The following INKA1 variants were observed in gnomAD, a reference collection of about 807,000 sequenced individuals.
The protein encoded by INKA1 is PAK4-inhibitor INKA1.
A neutral mutation model predicts 21.3 loss-of-function variants in INKA1; 14 were observed. That is an observed-to-expected ratio of 0.66 (90% CI 0.43 to 1.03). The LOEUF (loss-of-function observed/expected upper bound fraction) is 1.03, where lower values mean the gene tolerates loss of function less well. Ranked by LOEUF, INKA1 falls within the 50% of genes least tolerant of loss-of-function variation. The pLI is 0.00. For missense variants in INKA1, 353 were observed against 379.0 expected (o/e 0.93, Z 0.57); for synonymous variants, 133 against 143.3 (o/e 0.93, Z 0.51).
Position 49,804,874 on chromosome 3 carries a change from T to C in INKA1, c.745T>C (p.Ser249Pro), listed in dbSNP as rs1173485674. 6.2e-7 allele frequency: 1 copy of C among 1,612,722 alleles called. No individual in the cohort carries two copies. The highest frequency in any genetic ancestry group is 1.1e-5 in the South Asian group (1 of 91,058). The change falls in exon 2 of 2, where the codon TCA becomes CCA. Residue 249 changes from serine to proline, a missense_variant. Transcript: ENST00000333323. This position sits in a 1 kb window ranked among gnomAD's most constrained non-coding sequence, Gnocchi z 6.7. ...RRTAMAGKRL[S>P]CPPRPEPELP... ...GACAGCTATGGCAGGAAAGCGGCTG[T>C]CATGCCCACCTCGCCCAGAACCTGA...
Position 49,803,329 on chromosome 3 carries a change from T to G in INKA1, c.-64T>G, listed in dbSNP as rs887487077. ...CCGCTGGCCGGCCCTCCCAGCCCTC[T>G]CCGCGCGGCTCCGCCGGGGTTCCAA... On this transcript the variant is annotated 5_prime_UTR_variant, in exon 1 of 2. Transcript: ENST00000333323. The surrounding 1 kb of genome is among the most constrained non-coding windows in gnomAD (Gnocchi z 4.8). The G allele has an allele frequency of 6.9e-7, 1 of 1,454,422 alleles. No homozygotes were observed. Among genetic ancestry groups the G allele is most frequent in the Non-Finnish European group, 9.1e-7 (1 of 1,103,480 alleles). The allele number at this position is 1,454,422 out of a possible 1,614,324, so 90.1% of individuals were successfully genotyped here. A position where few individuals can be genotyped will look rare whatever the true frequency, so the allele number is the denominator to read the frequency against.
chr3:49,804,336 G>C lies in INKA1; in HGVS notation c.207G>C (p.Glu69Asp). ...GTGTGGAGGAGGAGGAAGAGGAGGA[G>C]GAGGAAGCAGTGGTGACAGAAGACA... The part of the protein sequence containing the change: ...VCCVEEEEEE[E>D]EEAVVTEDRD... Residue 69 changes from glutamate (E) to aspartate (D), a missense_variant, in exon 2 of 2, where the codon GAG becomes GAC. Glu to Asp is a conservative substitution (Grantham distance 45, BLOSUM62 2). Coordinates refer to ENST00000333323, the MANE Select transcript of INKA1 (RefSeq NM_203370.2). This position sits in a 1 kb window ranked among gnomAD's most constrained non-coding sequence, Gnocchi z 6.7. 1 of 1,613,550 alleles carries C rather than the reference G, an allele frequency of 6.2e-7. No homozygotes were observed. Among genetic ancestry groups the C allele is most frequent in the Non-Finnish European group, 8.5e-7 (1 of 1,179,970 alleles).
chr3:49,804,496 C>G lies in INKA1; in HGVS notation c.367C>G (p.Arg123Gly), dbSNP rs372678922. 1 of 1,613,438 alleles carries G rather than the reference C, an allele frequency of 6.2e-7. No individual in the cohort carries two copies. The highest frequency in any genetic ancestry group is 1.3e-5 in the African/African-American group (1 of 74,922). Residue 123 changes from arginine (R) to glycine (G), a missense_variant, in exon 2 of 2, where the codon CGT becomes GGT. Physicochemically the swap from Arg to Gly is moderately radical, Grantham distance 125. Transcript: ENST00000333323. This position sits in a 1 kb window ranked among gnomAD's most constrained non-coding sequence, Gnocchi z 6.7. ...CCCAGCACCCTCAGCACAGCCCCTTCGTAGGCAGTGCCTCTCAGTCAGTGG... is the reference window on the plus strand; with the variant it reads ...CCCAGCACCCTCAGCACAGCCCCTTGGTAGGCAGTGCCTCTCAGTCAGTGG... The part of the protein sequence containing the change: ...QRPAPSAQPL[R>G]RQCLSVSGLP...
In INKA1 at chr3:49,803,677, G is replaced by A. The variant is rs968233128; in HGVS notation, c.51+234G>A. ...GCCGTGCTGCTGGAACGGCGCGGGA[G>A]GAGAGAGTGGAAGGGGGACTTCTTT... On this transcript the variant is annotated intron_variant, in intron 1 of 1. Coordinates refer to ENST00000333323, the MANE Select transcript of INKA1 (RefSeq NM_203370.2). This position sits in a 1 kb window ranked among gnomAD's most constrained non-coding sequence, Gnocchi z 4.8. 4.6e-5 allele frequency among the ~76,000 whole-genome samples: 7 copies of A among 152,060 alleles called. No individual in the cohort carries two copies. The highest frequency in any genetic ancestry group is 4.6e-4 in the Admixed American group (7 of 15,300).
Position 49,803,415 on chromosome 3 carries a change from G to C in INKA1, c.23G>C (p.Ser8Thr). Residue 8 changes from serine to threonine, a missense_variant, in exon 1 of 2, where the codon AGC (serine) becomes ACC (threonine). Ser to Thr is a moderately conservative substitution (Grantham distance 58). Coordinates refer to ENST00000333323, the MANE Select transcript of INKA1 (RefSeq NM_203370.2). The surrounding 1 kb of genome is among the most constrained non-coding windows in gnomAD (Gnocchi z 4.8). MHSARLD[S>T]FLSQLRWELL... ...GACATGCACAGCGCTCGGCTTGACA[G>C]CTTCCTTAGCCAGCTCCGCTGGGAA... The C allele has an allele frequency of 1.9e-6, 3 of 1,554,558 alleles. No individual in the cohort carries two copies. Among genetic ancestry groups the C allele is most frequent in the Non-Finnish European group, 2.6e-6 (3 of 1,153,418 alleles).
rs139173242 is a variant in INKA1, at chr3:49,804,443, G to T, written c.314G>T (p.Arg105Leu). The T allele has an allele frequency of 3.0e-4, 480 of 1,613,458 alleles. No individual in the cohort carries two copies. Among genetic ancestry groups the T allele is most frequent in the Non-Finnish European group, 3.9e-4 (464 of 1,180,010 alleles). Residue 105 changes from arginine (R) to leucine (L), a missense_variant, in exon 2 of 2, where the codon CGA (arginine) becomes CTA (leucine). By Grantham distance (102) the Arg-to-Leu change is moderately radical (BLOSUM62 -2). Transcript: ENST00000333323. This position sits in a 1 kb window ranked among gnomAD's most constrained non-coding sequence, Gnocchi z 6.7. ...TCGGAGGTGTCAGGCAGCACATGGCGAGAGGAAGAACTGCCTGTATCCCAG... is the reference window on the plus strand; with the variant it reads ...TCGGAGGTGTCAGGCAGCACATGGCTAGAGGAAGAACTGCCTGTATCCCAG... ...GFSEVSGSTW[R>L]EEELPVSQRP...
rs368521855 is a variant in INKA1 at position 49,804,781 on chromosome 3, G to A, written c.652G>A (p.Ala218Thr). Residue 218 changes from alanine to threonine, a missense_variant, in exon 2 of 2, where the codon GCT becomes ACT. By Grantham distance (58) the Ala-to-Thr change is moderately conservative (BLOSUM62 0). Coordinates refer to ENST00000333323, the MANE Select transcript of INKA1 (RefSeq NM_203370.2). This position sits in a 1 kb window ranked among gnomAD's most constrained non-coding sequence, Gnocchi z 6.7. ...GGDGGGHRAR[A>T]RPPQFLLGLS... ...TGACGGAGGTGGGCACCGTGCCCGT[G>A]CTCGGCCCCCTCAGTTCCTGCTTGG... is the stretch of plus-strand genomic sequence containing the variant. The A allele has an allele frequency of 6.8e-6, 11 of 1,613,186 alleles. No homozygotes were observed. The highest frequency in any genetic ancestry group is 1.6e-4 in the Middle Eastern group (1 of 6,084).
rs1480462248 is a variant in INKA1, at chr3:49,803,537, A to T, written c.51+94A>T. ...CAACAGACGGGTGCGGGGTGGCTCC[A>T]GCGTGCCGGTCCGAGGCGGGGTGGG... On this transcript the variant is annotated intron_variant, in intron 1 of 1. Transcript: ENST00000333323. The surrounding 1 kb of genome is among the most constrained non-coding windows in gnomAD (Gnocchi z 4.8). 1 of 1,314,846 alleles carries T rather than the reference A, an allele frequency of 7.6e-7. No individual in the cohort carries two copies. The allele number at this position is 1,314,846 out of a possible 1,614,324, so 81.4% of individuals were successfully genotyped here.
rs138461983 is a variant in INKA1 at position 49,804,631 on chromosome 3, G to A, written c.502G>A (p.Glu168Lys). The change falls in exon 2 of 2, where the codon GAG (glutamate) becomes AAG (lysine). Residue 168 changes from glutamate to lysine, a missense_variant. Coordinates refer to ENST00000333323, the MANE Select transcript of INKA1 (RefSeq NM_203370.2). This position sits in a 1 kb window ranked among gnomAD's most constrained non-coding sequence, Gnocchi z 6.7. The stretch of plus-strand genomic sequence containing the variant: ...GGAGCACTGGCAGGGACTGGAAGCA[G>A]AGGACTGGACAGCAGCCCTACTGAA... ...CLEHWQGLEA[E>K]DWTAALLNRG... 649 of 1,613,234 alleles carry A rather than the reference G, an allele frequency of 4.0e-4. 5 individuals carry two copies. Among genetic ancestry groups the A allele is most frequent in the South Asian group, 4.0e-3 (366 of 91,092 alleles).
In INKA1 at chr3:49,804,358, G is replaced by A. The variant is rs1395499172; in HGVS notation, c.229G>A (p.Asp77Asn). 1 of 1,613,428 alleles carries A rather than the reference G, an allele frequency of 6.2e-7. No homozygotes were observed. The highest frequency in any genetic ancestry group is 8.5e-7 in the Non-Finnish European group (1 of 1,179,968). ...GGAGGAGGAAGCAGTGGTGACAGAA[G>A]ACAGGGATGCAGCCTTGGGAGGCCC... ...EEEEEAVVTE[D>N]RDAALGGPRE... Residue 77 changes from aspartate to asparagine, a missense_variant, in exon 2 of 2, where the codon GAC becomes AAC. By Grantham distance (23) the Asp-to-Asn change is conservative. Transcript: ENST00000333323. This position sits in a 1 kb window ranked among gnomAD's most constrained non-coding sequence, Gnocchi z 6.7.
At position 49,804,479 on chromosome 3, in the gene INKA1, C is replaced by T; in HGVS notation, c.350C>T (p.Pro117Leu). The change falls in exon 2 of 2, where the codon CCC (proline) becomes CTC (leucine). Residue 117 changes from proline (P) to leucine (L), a missense_variant. Physicochemically the swap from Pro to Leu is moderately conservative, Grantham distance 98. Transcript: ENST00000333323. The surrounding 1 kb of genome is among the most constrained non-coding windows in gnomAD (Gnocchi z 6.7). Reference sequence around the variant, plus strand: ...CTGCCTGTATCCCAGCGCCCAGCACCCTCAGCACAGCCCCTTCGTAGGCAG... The same window carrying T: ...CTGCCTGTATCCCAGCGCCCAGCACTCTCAGCACAGCCCCTTCGTAGGCAG... Reference protein sequence around the residue: ...EELPVSQRPAPSAQPLRRQCL... With the variant: ...EELPVSQRPALSAQPLRRQCL... 1 of 1,613,568 alleles carries T rather than the reference C, an allele frequency of 6.2e-7. No homozygotes were observed. The highest frequency in any genetic ancestry group is 8.5e-7 in the Non-Finnish European group (1 of 1,179,994).
Position 49,804,014 on chromosome 3 carries a change from A to G in INKA1, c.52-167A>G, listed in dbSNP as rs2081405709. 6.6e-6 allele frequency among the ~76,000 whole-genome samples: 1 copy of G among 152,152 alleles called. No individual in the cohort carries two copies. Among genetic ancestry groups the G allele is most frequent in the South Asian group, 2.1e-4 (1 of 4,830 alleles). ...CAGACTGCCACCAGGTCGGTGGATG[A>G]GAACCACACCAGCTTCGAGTGCCAG... On this transcript the variant is annotated intron_variant, in intron 1 of 1. Transcript: ENST00000333323. This position sits in a 1 kb window ranked among gnomAD's most constrained non-coding sequence, Gnocchi z 6.7.
In INKA1 at chr3:49,804,314, TGGA is replaced by T. The variant is rs771241593; in HGVS notation, c.195_197del (p.Glu71del). 2 of 1,613,108 alleles carry T rather than the reference TGGA, an allele frequency of 1.2e-6. No individual in the cohort carries two copies. Among genetic ancestry groups the T allele is most frequent in the African/African-American group, 1.3e-5 (1 of 74,816 alleles). ...TTGGAAGAGGACTCAGTCTGCTGTG[TGGA>T]GGAGGAGGAAGAGGAGGAGGAGGAA... On this transcript the variant is annotated inframe_deletion, in exon 2 of 2. Coordinates refer to ENST00000333323, the MANE Select transcript of INKA1 (RefSeq NM_203370.2). The surrounding 1 kb of genome is among the most constrained non-coding windows in gnomAD (Gnocchi z 6.7).
At position 49,804,510 on chromosome 3, in the gene INKA1, C is replaced by T. The variant is rs1472333873; in HGVS notation, c.381C>T (p.Leu127=). Residue 127 remains leucine, a synonymous_variant, in exon 2 of 2, where the codon CTC becomes CTT. Transcript: ENST00000333323. The surrounding 1 kb of genome is among the most constrained non-coding windows in gnomAD (Gnocchi z 6.7). ...PSAQPLRRQC[L]SVSGLPMPSR... is the part of the protein sequence containing the mutation. ...CACAGCCCCTTCGTAGGCAGTGCCT[C>T]TCAGTCAGTGGCCTCCCCATGCCCA... is the stretch of plus-strand genomic sequence containing the variant. 3 of 1,613,484 alleles carry T rather than the reference C, an allele frequency of 1.9e-6. No homozygotes were observed. Among genetic ancestry groups the T allele is most frequent in the African/African-American group, 1.3e-5 (1 of 75,062 alleles).
In INKA1 at chr3:49,804,871, C is replaced by T; in HGVS notation, c.742C>T (p.Leu248=). ...ARRTAMAGKR[L]SCPPRPEPEL... is the part of the protein sequence containing the mutation. Reference sequence around the variant, plus strand: ...GCGGACAGCTATGGCAGGAAAGCGGCTGTCATGCCCACCTCGCCCAGAACC... The same window carrying T: ...GCGGACAGCTATGGCAGGAAAGCGGTTGTCATGCCCACCTCGCCCAGAACC... Residue 248 remains leucine (L), a synonymous_variant, in exon 2 of 2, where the codon CTG becomes TTG. Coordinates refer to ENST00000333323, the MANE Select transcript of INKA1 (RefSeq NM_203370.2). The surrounding 1 kb of genome is among the most constrained non-coding windows in gnomAD (Gnocchi z 6.7). 6.2e-7 allele frequency: 1 copy of T among 1,612,874 alleles called. No homozygotes were observed. The highest frequency in any genetic ancestry group is 1.1e-5 in the South Asian group (1 of 91,064).
In INKA1 at chr3:49,804,770, ACCGTGC is replaced by A. The variant is rs777114437; in HGVS notation, c.648_653del (p.Ala218_Arg219del). 3.1e-6 allele frequency: 5 copies of A among 1,613,150 alleles called. 1 individual carries two copies. Among genetic ancestry groups the A allele is most frequent in the Non-Finnish European group, 4.2e-6 (5 of 1,180,030 alleles). ...AGTGAAGGGGGTGACGGAGGTGGGC[ACCGTGC>A]CCGTGCTCGGCCCCCTCAGTTCCTG... On this transcript the variant is annotated inframe_deletion, in exon 2 of 2. Transcript: ENST00000333323. The surrounding 1 kb of genome is among the most constrained non-coding windows in gnomAD (Gnocchi z 6.7).
Position 49,804,685 on chromosome 3 carries a change from C to A in INKA1, c.556C>A (p.Leu186Ile), listed in dbSNP as rs1559429196. ...GGGTCGCAGTCGCCAGCCCCTGGTACTAGGGGACAATTGCTTTGCTGACTT... is the reference window on the plus strand; with the variant it reads ...GGGTCGCAGTCGCCAGCCCCTGGTAATAGGGGACAATTGCTTTGCTGACTT... ...NRGRSRQPLVLGDNCFADLVH... is the reference protein window; with the variant it reads ...NRGRSRQPLVIGDNCFADLVH... Residue 186 changes from leucine to isoleucine, a missense_variant, in exon 2 of 2, where the codon CTA (leucine) becomes ATA (isoleucine). Coordinates refer to ENST00000333323, the MANE Select transcript of INKA1 (RefSeq NM_203370.2). The surrounding 1 kb of genome is among the most constrained non-coding windows in gnomAD (Gnocchi z 6.7). 1.9e-6 allele frequency: 3 copies of A among 1,613,096 alleles called. No homozygotes were observed. Among genetic ancestry groups the A allele is most frequent in the Non-Finnish European group, 2.5e-6 (3 of 1,180,054 alleles).
In INKA1 at chr3:49,803,358, G is replaced by A; in HGVS notation, c.-35G>A. ...CGCGGCTCCGCCGGGGTTCCAAGAG[G>A]AGCTAGTAGGTTCGGTGGGGGCCCT... On this transcript the variant is annotated 5_prime_UTR_variant, in exon 1 of 2. Transcript: ENST00000333323. This position sits in a 1 kb window ranked among gnomAD's most constrained non-coding sequence, Gnocchi z 4.8. The A allele has an allele frequency of 2.0e-6, 3 of 1,501,268 alleles. No individual in the cohort carries two copies. The highest frequency in any genetic ancestry group is 2.7e-6 in the Non-Finnish European group (3 of 1,128,866). 93.0% of individuals were successfully genotyped at this position (1,501,268 alleles called of 1,614,324 possible). A position where few individuals can be genotyped will look rare whatever the true frequency, so the allele number is the denominator to read the frequency against.
At position 49,803,507 on chromosome 3, in the gene INKA1, C is replaced by G. The variant is rs1341373570; in HGVS notation, c.51+64C>G. ...GCGGGATGCCAGGCTGCCGCCCGGC[C>G]GGAACAACAGACGGGTGCGGGGTGG... On this transcript the variant is annotated intron_variant, in intron 1 of 1. Transcript: ENST00000333323. The surrounding 1 kb of genome is among the most constrained non-coding windows in gnomAD (Gnocchi z 4.8). 36 of 1,487,242 alleles carry G rather than the reference C, an allele frequency of 2.4e-5. No individual in the cohort carries two copies. The highest frequency in any genetic ancestry group is 2.9e-5 in the Non-Finnish European group (32 of 1,099,768). 92.1% of individuals were successfully genotyped at this position (1,487,242 alleles called of 1,614,324 possible). A position where few individuals can be genotyped will look rare whatever the true frequency, so the allele number is the denominator to read the frequency against.
Sources: gnomAD v4.1 joint callset for allele counts (sites outside exome capture counted in the v4.1 genomes callset) on GRCh38, gnomAD v4.1.1 for gene constraint, Gnocchi (gnomAD v3.1) non-coding constraint, MANE v1.5 for transcripts, NCBI Gene and HGNC (gene_info 2026-07-23, HGNC 2026-07-21) for gene names.